The following RIMS1 variants were observed in gnomAD, a reference collection of about 807,000 sequenced individuals.
RIMS1 encodes regulating synaptic membrane exocytosis protein 1.
RIMS1 carries 83 observed loss-of-function variants against 214.1 expected under a neutral mutation model. The ratio of observed to expected loss-of-function variants is 0.39; its 90% CI spans 0.32 to 0.47. The LOEUF is 0.47. Among genes scored for constraint, RIMS1 ranks in the 20% least tolerant of loss-of-function variants. RIMS1 has a pLI of 0.99. For missense variants in RIMS1, 2,050 were observed against 2,161.8 expected (o/e 0.95, Z 1.03); for synonymous variants, 793 against 786.8 (o/e 1.01, Z -0.13).
intron 28 of RIMS1, among the ~76,000 whole-genome samples, chr6:72,327,211 T>C (rs1206099606): frequency 6.6e-6 from 1 of 151,804 alleles, no homozygotes; most frequent in East Asian, 1.9e-4. Flanking sequence ...TGAATGCGTA[T>C]AGACACTTTA....
intron 2 of RIMS1, among the ~76,000 whole-genome samples, chr6:72,066,226 C>T (rs569965755): frequency 2.6e-5 from 4 of 152,030 alleles, no homozygotes; most frequent in African/African-American, 4.8e-5. Flanking sequence ...TGTAGTTAGC[C>T]GAGAAAAAAA....
chr6:71,887,773 C>A (rs1768263644), intron 1 of RIMS1, among the ~76,000 whole-genome samples: 1 of 152,256 alleles, frequency 6.6e-6, no homozygotes, highest in East Asian at 1.9e-4. Flanking sequence ...AACCTGCCTC[C>A]CCAGCTTCTC....
chr6:72,358,001 A>T (rs1490517010), intron 29 of RIMS1, among the ~76,000 whole-genome samples: 1 of 144,722 alleles, frequency 6.9e-6, no homozygotes, highest in Non-Finnish European at 1.6e-5. Context: ...TTCACACATT[A>T]TACATTGATT....
At chr6:72,273,661 A>T (rs986456307) in intron 22 of RIMS1, among the ~76,000 whole-genome samples, 1 of 152,212 alleles carries the variant, frequency 6.6e-6, no homozygotes, top group African/African-American at 2.4e-5. Context: ...ACTAAAAAAA[A>T]TTAATGCTAA....
intron 26 of RIMS1, 38 bp downstream of exon 26, chr6:72,292,084 G>T (rs1204982564): frequency 4.3e-6 from 6 of 1,382,634 alleles, no homozygotes; most frequent in Non-Finnish European, 6.0e-6. Context: ...AAAAATCTTG[G>T]ATTTGAGAAC....
chr6:71,955,262 G>A (rs562673230), intron 1 of RIMS1, among the ~76,000 whole-genome samples: 1 of 152,136 alleles, frequency 6.6e-6, no homozygotes, highest in South Asian at 2.1e-4. Flanking sequence ...TGCCTCCCAG[G>A]TTCAAGCGAT....
chr6:72,265,515 T>C lies in RIMS1; in HGVS notation c.3308+12T>C. On this transcript the variant is annotated intron_variant, in intron 21 of 33. Coordinates refer to ENST00000521978, the MANE Select transcript of RIMS1 (RefSeq NM_014989.7). The stretch of plus-strand genomic sequence containing the variant: ...GAAATACTGGTTAGGTAAGAACATT[T>C]GGAAGTGATATCTTCCGTTTCCCTT... The C allele has an allele frequency of 2.8e-6, 4 of 1,425,750 alleles. No homozygotes were observed. The highest frequency in any genetic ancestry group is 3.9e-6 in the Non-Finnish European group (4 of 1,015,374). The allele number at this position is 1,425,750 out of a possible 1,614,324, so 88.3% of individuals were successfully genotyped here. A position where few individuals can be genotyped will look rare whatever the true frequency, so the allele number is the denominator to read the frequency against.
Position 72,290,833 on chromosome 6 carries a change from T to A in RIMS1, c.3709T>A (p.Ser1237Thr), listed in dbSNP as rs1563639508. The change falls in exon 25 of 34, where the codon TCG becomes ACG. Residue 1237 changes from serine to threonine, a missense_variant. Around this residue, in one of 6 missense-constraint regions of RIMS1, gnomAD observed 889 missense variants for 885.5 expected, o/e 1.00. Transcript: ENST00000521978. ...CSMHHLVPGGSAPPSPLLTRM... is the reference protein window; with the variant it reads ...CSMHHLVPGGTAPPSPLLTRM... Reference sequence around the variant, plus strand: ...TATGCACCACCTTGTCCCTGGAGGGTCGGCGCCACCTTCTCCGCTTCTGAC... The same window carrying A: ...TATGCACCACCTTGTCCCTGGAGGGACGGCGCCACCTTCTCCGCTTCTGAC... 6.2e-7 allele frequency: 1 copy of A among 1,612,954 alleles called. No individual in the cohort carries two copies. Among genetic ancestry groups the A allele is most frequent in the African/African-American group, 1.3e-5 (1 of 74,974 alleles).
chr6:71,928,080 A>G (rs1160904758), intron 1 of RIMS1, among the ~76,000 whole-genome samples: 3 of 152,166 alleles, frequency 2.0e-5, no homozygotes, highest in Non-Finnish European at 4.4e-5. Context: ...TAGTGTACGA[A>G]TGAAAAGACA....
intron 28 of RIMS1, among the ~76,000 whole-genome samples, chr6:72,328,647 AT>A (rs1181798406): frequency 2.0e-5 from 3 of 151,114 alleles, no homozygotes; most frequent in East Asian, 3.9e-4. Flanking sequence ...AATTAAAAAT[AT>A]TTTTTTTTAG....
chr6:72,365,603 C>T (rs1476597074), intron 29 of RIMS1, among the ~76,000 whole-genome samples: 1 of 152,144 alleles, frequency 6.6e-6, no homozygotes, highest in Non-Finnish European at 1.5e-5. Flanking sequence ...TAAAAGAGGG[C>T]CACCATTAGT....
At chr6:72,241,200 A>G (rs1173384038) in intron 9 of RIMS1, among the ~76,000 whole-genome samples, 1 of 152,204 alleles carries the variant, frequency 6.6e-6, no homozygotes, top group Non-Finnish European at 1.5e-5. Context: ...CATTGAAAAG[A>G]TTTTATGCTT....
intron 1 of RIMS1, among the ~76,000 whole-genome samples, chr6:71,896,356 A>G (rs1255877375): frequency 1.3e-5 from 2 of 152,172 alleles, no homozygotes; most frequent in African/African-American, 4.8e-5. Flanking sequence ...CTAGTCTGAA[A>G]AAGATATTAT....
At chr6:72,070,855 A>G (rs1830422575) in intron 2 of RIMS1, among the ~76,000 whole-genome samples, 1 of 152,334 alleles carries the variant, frequency 6.6e-6, no homozygotes, top group Non-Finnish European at 1.5e-5. Context: ...TCAGCAAACC[A>G]TAGTTTGGCC....
At chr6:71,911,637 C>T (rs1447263341) in intron 1 of RIMS1, among the ~76,000 whole-genome samples, 1 of 152,078 alleles carries the variant, frequency 6.6e-6, no homozygotes, top group Non-Finnish European at 1.5e-5. Flanking sequence ...TGGAAATAGG[C>T]TACTGTTGTT....
chr6:72,201,014 C>CA (rs1413735794), intron 6 of RIMS1, among the ~76,000 whole-genome samples: 3 of 151,294 alleles, frequency 2.0e-5, no homozygotes, highest in Admixed American at 6.6e-5. Context: ...TATAAACGAC[C>CA]AAAAAAAGTC....
chr6:72,394,599 T>G (rs1317830914), intron 31 of RIMS1, among the ~76,000 whole-genome samples: 1 of 152,068 alleles, frequency 6.6e-6, no homozygotes, highest in African/African-American at 2.4e-5. Context: ...ATTGAAAATT[T>G]TGGAAGCAAT....
At chr6:72,010,341 G>T (rs141331738) in intron 2 of RIMS1, among the ~76,000 whole-genome samples, 1 of 152,104 alleles carries the variant, frequency 6.6e-6, no homozygotes, top group African/African-American at 2.4e-5. Context: ...AAAATAATAA[G>T]AGCTATCTAT....
Position 72,183,099 on chromosome 6 carries a change from A to G in RIMS1, c.1628A>G (p.Tyr543Cys), listed in dbSNP as rs770375428. 1.9e-6 allele frequency: 3 copies of G among 1,591,900 alleles called. No individual in the cohort carries two copies. In the African/African-American group the frequency reaches 4.0e-5, roughly 21 times the overall value. The change falls in exon 6 of 34, where the codon TAC becomes TGC. Residue 543 changes from tyrosine to cysteine, a missense_variant. Physicochemically the swap from Tyr to Cys is radical, Grantham distance 194. Around this residue, in one of 6 missense-constraint regions of RIMS1, gnomAD observed 882 missense variants for 828.9 expected, o/e 1.06. Transcript: ENST00000521978. Reference sequence around the variant, plus strand: ...GAGGAGGGCGTGTCGACGCCCGAGTACACCAGCTGCGAGGACGTGGAGCTG... The same window carrying G: ...GAGGAGGGCGTGTCGACGCCCGAGTGCACCAGCTGCGAGGACGTGGAGCTG... ...SEEEGVSTPE[Y>C]TSCEDVELES...
Sources: allele counts gnomAD v4.1 joint callset (sites outside exome capture counted in the v4.1 genomes callset), GRCh38; gene constraint gnomAD v4.1.1; regional missense constraint gnomAD v4.1.1; transcripts MANE v1.5; gene names NCBI Gene and HGNC (gene_info 2026-07-23, HGNC 2026-07-21).